The following NDST1 variants were observed in gnomAD, a reference collection of about 807,000 sequenced individuals.
NDST1 encodes the protein N-deacetylase and N-sulfotransferase 1.
NDST1 carries 35 observed loss-of-function variants against 92.8 expected under a neutral mutation model. The observed-to-expected ratio is 0.38, with a 90% confidence interval of 0.29 to 0.50. The LOEUF is 0.50. Ranked by LOEUF, NDST1 falls within the 20% of genes least tolerant of loss-of-function variation. The pLI is 0.94. For missense variants in NDST1, 822 were observed against 1,182.7 expected (o/e 0.69, Z 4.47); for synonymous variants, 493 against 500.3 (o/e 0.99, Z 0.19).
chr5:150,548,970 G>C (rs577127740), intron 12 of NDST1, among the ~76,000 whole-genome samples: 3 of 152,274 alleles, frequency 2.0e-5, no homozygotes, highest in African/African-American at 7.2e-5. Flanking sequence ...GAGACTGGGC[G>C]TGGTGATGGA....
At chr5:150,505,920 A>G, upstream of NDST1, among the ~76,000 whole-genome samples, 1 of 152,000 alleles carries the variant, frequency 6.6e-6, no homozygotes, top group Non-Finnish European at 1.5e-5. Flanking sequence ...AGCTGGGACT[A>G]CAGGCTCGTG....
chr5:150,535,094 T>C (rs766650431), intron 5 of NDST1, 73 bp downstream of exon 5: 36 of 1,550,386 alleles, frequency 2.3e-5, no homozygotes, highest in Non-Finnish European at 3.1e-5. Flanking sequence ...TGCTGGCCTC[T>C]TGCTGCTTTT....
intron 9 of NDST1, among the ~76,000 whole-genome samples, chr5:150,542,221 T>C (rs771562223): frequency 5.3e-5 from 8 of 152,188 alleles, no homozygotes; most frequent in Non-Finnish European, 1.0e-4. Context: ...CTGAAACATA[T>C]ACTCTTAATT....
chr5:150,541,346 C>T (rs974473882), intron 8 of NDST1, among the ~76,000 whole-genome samples: 16 of 152,192 alleles, frequency 1.1e-4, no homozygotes, highest in Admixed American at 3.3e-4. Flanking sequence ...GTTCCTGTTA[C>T]GTGCTAAGGG....
rs373401193 is a variant in NDST1 at position 150,535,822 on chromosome 5, G to A, written c.1374G>A (p.Thr458=). Residue 458 remains threonine, a synonymous_variant, in exon 6 of 15, where the codon ACG becomes ACA. Coordinates refer to ENST00000261797, the MANE Select transcript of NDST1 (RefSeq NM_001543.5). ...TGTGGAGCATCCGCGTGACCAGCAC[G>A]GAGGAGTACCCCCACCTGAAGCCAG... ...KQVWSIRVTS[T]EEYPHLKPAR... The A allele has an allele frequency of 2.2e-5, 35 of 1,614,022 alleles. No homozygotes were observed. Among genetic ancestry groups the A allele is most frequent in the Non-Finnish European group, 2.5e-5 (30 of 1,180,034 alleles).
rs755453156 is a variant in NDST1, at chr5:150,541,611, G to A, written c.1791G>A (p.Lys597=). 33 of 1,614,088 alleles carry A rather than the reference G, an allele frequency of 2.0e-5. No homozygotes were observed. ...AACGTCACAAAGACATCTGGTCCAA[G>A]GAGAAGACGTGTGACCGCTTCCCAA... is the stretch of plus-strand genomic sequence containing the variant. ...EDKRHKDIWS[K]EKTCDRFPKL... Residue 597 remains lysine (K), a synonymous_variant, in exon 9 of 15, where the codon AAG becomes AAA. Coordinates refer to ENST00000261797, the MANE Select transcript of NDST1 (RefSeq NM_001543.5).
At chr5:150,517,111 C>T (rs1269493364) in intron 1 of NDST1, among the ~76,000 whole-genome samples, 1 of 152,060 alleles carries the variant, frequency 6.6e-6, no homozygotes, top group African/African-American at 2.4e-5. Flanking sequence ...CCCCTGCACA[C>T]ACACACAGCT....
chr5:150,540,904 T>A (rs2151294593), intron 8 of NDST1, among the ~76,000 whole-genome samples: 1 of 152,338 alleles, frequency 6.6e-6, no homozygotes, highest in East Asian at 1.9e-4. Flanking sequence ...GATAATCTCT[T>A]GTATCTCTTC....
chr5:150,553,299 T>C lies in NDST1; in HGVS notation c.2616T>C (p.Thr872=), dbSNP rs564391926. The C allele has an allele frequency of 1.2e-6, 2 of 1,613,744 alleles. No individual in the cohort carries two copies. The highest frequency in any genetic ancestry group is 1.7e-6 in the Non-Finnish European group (2 of 1,179,744). ...LLYKMGQTLP[T]WLREDLQNTR ...ATAAGATGGGCCAGACACTTCCCAC[T>C]TGGCTACGAGAGGACCTCCAGAACA... The change falls in exon 15 of 15, where the codon ACT becomes ACC. Residue 872 remains threonine, a synonymous_variant. Coordinates refer to ENST00000261797, the MANE Select transcript of NDST1 (RefSeq NM_001543.5). This position sits in a 1 kb window ranked among gnomAD's most constrained non-coding sequence, Gnocchi z 4.2.
At chr5:150,540,677 A>G (rs1235671378) in intron 8 of NDST1, among the ~76,000 whole-genome samples, 2 of 152,156 alleles carry the variant, frequency 1.3e-5, no homozygotes, top group Non-Finnish European at 2.9e-5. Context: ...TTAGCCGGGC[A>G]TGATGGTGCG....
intron 1 of NDST1, among the ~76,000 whole-genome samples, chr5:150,517,050 A>G (rs1246780977): frequency 2.0e-5 from 3 of 151,464 alleles, no homozygotes; most frequent in Non-Finnish European, 4.4e-5. Context: ...TTAGTTTTAC[A>G]TTCACAGCAA....
At chr5:150,504,513 A>G (rs1172026274), upstream of NDST1, among the ~76,000 whole-genome samples, 2 of 151,978 alleles carry the variant, frequency 1.3e-5, no homozygotes, top group African/African-American at 2.4e-5. Flanking sequence ...TCTTGCCATA[A>G]TCTGCCAGAT....
rs768377476 is a variant in NDST1 at position 150,539,421 on chromosome 5, A to G, written c.1566+65A>G. 8 of 1,611,044 alleles carry G rather than the reference A, an allele frequency of 5.0e-6. No individual in the cohort carries two copies. The East Asian group carries it at 1.6e-4, about 31-fold the overall frequency. On this transcript the variant is annotated intron_variant, in intron 7 of 14. Transcript: ENST00000261797. ...CTGCTGCACAGCCTGTCTGCAGCTG[A>G]CACAGGCTTCCTGGAGCCAGGAAAG... is the stretch of plus-strand genomic sequence containing the variant.
At chr5:150,526,856 C>G (rs746418302) in intron 2 of NDST1, among the ~76,000 whole-genome samples, 9 of 152,172 alleles carry the variant, frequency 5.9e-5, no homozygotes, top group Non-Finnish European at 1.2e-4. Context: ...GGCTGTGAGC[C>G]TAAGGAAGAG....
chr5:150,521,991 C>T lies in NDST1; in HGVS notation c.513+224C>T, dbSNP rs939742660. Among the ~76,000 whole-genome samples, 4 of 152,140 alleles carry T rather than the reference C, an allele frequency of 2.6e-5. No individual in the cohort carries two copies. Among genetic ancestry groups the T allele is most frequent in the Admixed American group, 6.5e-5 (1 of 15,268 alleles). ...CGTGCCAGGGGGATCGCCTGCTGTG[C>T]GTGGGGTCCAGCACACAGCAGGTGC... is the stretch of plus-strand genomic sequence containing the variant. On this transcript the variant is annotated intron_variant, in intron 2 of 14. Coordinates refer to ENST00000261797, the MANE Select transcript of NDST1 (RefSeq NM_001543.5). The surrounding 1 kb of genome is among the most constrained non-coding windows in gnomAD (Gnocchi z 5.9).
At chr5:150,551,567 G>A (rs1475638072) in intron 13 of NDST1, among the ~76,000 whole-genome samples, 186 bp from the exon 14 acceptor site, 1 of 152,220 alleles carries the variant, frequency 6.6e-6, no homozygotes, top group Non-Finnish European at 1.5e-5. Context: ...AGTAGGACAG[G>A]CACGTTTAGT....
rs1319403852 is a variant in NDST1, at chr5:150,542,725, A to T, written c.1847-123A>T. 10 of 1,258,212 alleles carry T rather than the reference A, an allele frequency of 7.9e-6. No individual in the cohort carries two copies. The East Asian group carries it at 2.3e-4, about 29-fold the overall frequency. 77.9% of individuals were successfully genotyped at this position (1,258,212 alleles called of 1,614,324 possible). On this transcript the variant is annotated intron_variant, in intron 9 of 14. Transcript: ENST00000261797. ...TTGCACAGATGAAGAAGCTAAGACC[A>T]GAGAAAGGCAGAGACCTTCCCAGGA...
At chr5:150,529,422 T>C in intron 3 of NDST1, among the ~76,000 whole-genome samples, 1 of 147,130 alleles carries the variant, frequency 6.8e-6, no homozygotes, top group East Asian at 2.0e-4. Flanking sequence ...AAGTTTTTAC[T>C]AAACAAAACT....
chr5:150,534,746 A>G lies in NDST1; in HGVS notation c.1097-121A>G, dbSNP rs1754907224. On this transcript the variant is annotated intron_variant, in intron 4 of 14. Coordinates refer to ENST00000261797, the MANE Select transcript of NDST1 (RefSeq NM_001543.5). The stretch of plus-strand genomic sequence containing the variant: ...TGTCTGCTCCTGTGCTGTAGCCCAG[A>G]TAACTCTTCCAGGCAGCTCCTGGGT... 9.1e-6 allele frequency: 11 copies of G among 1,206,052 alleles called. 1 individual carries two copies. The South Asian group carries it at 1.4e-4, about 15-fold the overall frequency. The allele number at this position is 1,206,052 out of a possible 1,614,324, so 74.7% of individuals were successfully genotyped here.
Sources: gnomAD v4.1 joint callset for allele counts (sites outside exome capture counted in the v4.1 genomes callset) on GRCh38, gnomAD v4.1.1 for gene constraint, Gnocchi (gnomAD v3.1) non-coding constraint, MANE v1.5 for transcripts, NCBI Gene and HGNC (gene_info 2026-07-23, HGNC 2026-07-21) for gene names.